The following KCNIP4 variants were observed in gnomAD, a reference collection of about 807,000 sequenced individuals.
The protein encoded by KCNIP4 is potassium voltage-gated channel interacting protein 4.
Under a neutral mutation model 34.0 loss-of-function variants are expected in KCNIP4, and 12 were observed. The ratio of observed to expected loss-of-function variants is 0.35; its 90% CI spans 0.23 to 0.57. KCNIP4 has a LOEUF of 0.57. Ranked by LOEUF, KCNIP4 falls within the 20% of genes least tolerant of loss-of-function variation. KCNIP4 has a pLI of 0.83. For synonymous variants in KCNIP4, 124 were observed against 102.2 expected, an observed-to-expected ratio of 1.21 and a Z score of -1.29; for missense variants, 238 against 311.7, an observed-to-expected ratio of 0.76 and a Z score of 1.78.
intron 1 of KCNIP4, among the ~76,000 whole-genome samples, chr4:21,649,243 C>T (rs936869941): frequency 6.6e-6 from 1 of 152,158 alleles, no homozygotes. Flanking sequence ...TTATTACCAT[C>T]ATCTTTATAC....
chr4:20,796,049 CATT>C (rs1253001904), intron 3 of KCNIP4, among the ~76,000 whole-genome samples: 5 of 152,160 alleles, frequency 3.3e-5, no homozygotes, highest in African/African-American at 1.2e-4. Flanking sequence ...CCACCTACAT[CATT>C]GAGTTCTGAA....
chr4:20,740,582 C>A (rs1055768959), intron 5 of KCNIP4, among the ~76,000 whole-genome samples: 1 of 152,156 alleles, frequency 6.6e-6, no homozygotes, highest in African/African-American at 2.4e-5. Flanking sequence ...AAGCACTAAA[C>A]ATAGAAAGGA....
intron 1 of KCNIP4, among the ~76,000 whole-genome samples, chr4:21,174,512 T>C (rs1157042923): frequency 6.6e-6 from 1 of 152,232 alleles, no homozygotes; most frequent in East Asian, 1.9e-4. Flanking sequence ...AGTTTCACTC[T>C]TTATTTCATT....
At chr4:21,202,990 A>C (rs1453662057) in intron 1 of KCNIP4, among the ~76,000 whole-genome samples, 2 of 152,166 alleles carry the variant, frequency 1.3e-5, no homozygotes, top group African/African-American at 4.8e-5. Context: ...ATCTATGCCC[A>C]CCCCAGGCCA....
chr4:21,646,672 T>TA (rs1488255207), intron 1 of KCNIP4, among the ~76,000 whole-genome samples: 1 of 152,176 alleles, frequency 6.6e-6, no homozygotes, highest in Non-Finnish European at 1.5e-5. Flanking sequence ...GGCAATACTA[T>TA]AGGTGATTTG....
At chr4:20,942,705 C>G (rs1018235551) in intron 1 of KCNIP4, among the ~76,000 whole-genome samples, 2 of 151,984 alleles carry the variant, frequency 1.3e-5, no homozygotes, top group African/African-American at 4.8e-5. Flanking sequence ...GAGTTTTGCT[C>G]TTGTTGCCCA....
chr4:20,869,993 T>C (rs760268352), intron 2 of KCNIP4, among the ~76,000 whole-genome samples: 22 of 152,074 alleles, frequency 1.4e-4, no homozygotes, highest in Non-Finnish European at 2.8e-4. Context: ...ACATGTAAAA[T>C]AGTGGCTGGC....
chr4:21,376,818 C>G (rs1721005495), intron 1 of KCNIP4, among the ~76,000 whole-genome samples: 1 of 152,134 alleles, frequency 6.6e-6, no homozygotes, highest in African/African-American at 2.4e-5. Context: ...CAATACAAAA[C>G]CATGATAAGC....
At chr4:21,225,550 T>C (rs1758317510) in intron 1 of KCNIP4, among the ~76,000 whole-genome samples, 1 of 152,186 alleles carries the variant, frequency 6.6e-6, no homozygotes, top group African/African-American at 2.4e-5. Flanking sequence ...CTGGTTTTTA[T>C]AATAAATTCT....
intron 3 of KCNIP4, 179 bp downstream of exon 3, chr4:20,850,364 G>A (rs1245259049): frequency 1.7e-6 from 1 of 600,102 alleles, no homozygotes; most frequent in Non-Finnish European, 2.9e-6. Context: ...GCCAGCATGG[G>A]TGTGCCACAG....
intron 1 of KCNIP4, among the ~76,000 whole-genome samples, chr4:21,700,191 T>C (rs1393594279): frequency 6.6e-6 from 1 of 152,216 alleles, no homozygotes; most frequent in African/African-American, 2.4e-5. Flanking sequence ...TATTATAATT[T>C]ACATTCCCAA....
intron 1 of KCNIP4, among the ~76,000 whole-genome samples, chr4:21,501,715 T>TGTGTGTGTGTGTGTGTGTGTGCGC (rs569245544): frequency 2.0e-5 from 3 of 150,732 alleles, no homozygotes; most frequent in African/African-American, 7.3e-5. Flanking sequence ...TGTGTGTGTG[T>TGTGTGTGTGTGTGTGTGTGTGCGC]GCGTTGGAAG....
chr4:21,078,564 G>A (rs748184556), intron 1 of KCNIP4, among the ~76,000 whole-genome samples: 1 of 151,872 alleles, frequency 6.6e-6, no homozygotes, highest in Non-Finnish European at 1.5e-5. Context: ...ATCTCCCAAA[G>A]GCCCACCTCC....
chr4:20,824,850 CAT>C (rs1488093839), intron 3 of KCNIP4, among the ~76,000 whole-genome samples: 1 of 151,990 alleles, frequency 6.6e-6, no homozygotes, highest in Non-Finnish European at 1.5e-5. Flanking sequence ...CTACTTAATA[CAT>C]ATCCTAGATA....
At chr4:21,167,261 G>C (rs1242862987) in intron 1 of KCNIP4, among the ~76,000 whole-genome samples, 1 of 152,078 alleles carries the variant, frequency 6.6e-6, no homozygotes, top group Non-Finnish European at 1.5e-5. Flanking sequence ...AGATATATAT[G>C]TTCACTACTT....
At chr4:20,805,912 G>T (rs534576221) in intron 3 of KCNIP4, among the ~76,000 whole-genome samples, 7 of 152,086 alleles carry the variant, frequency 4.6e-5, no homozygotes, top group African/African-American at 1.7e-4. Flanking sequence ...AAATGTACTA[G>T]GGTATGTTTA....
intron 1 of KCNIP4, among the ~76,000 whole-genome samples, chr4:20,891,741 C>A (rs980987193): frequency 1.3e-5 from 2 of 152,144 alleles, no homozygotes; most frequent in African/African-American, 4.8e-5. Context: ...CATTTTTTTA[C>A]TAGTTGCAAA....
chr4:21,415,886 A>T (rs770891769), intron 1 of KCNIP4, among the ~76,000 whole-genome samples: 6 of 152,136 alleles, frequency 3.9e-5, no homozygotes, highest in Admixed American at 1.3e-4. Flanking sequence ...AATGAAGAGG[A>T]GATGGGTGGG....
chr4:20,946,636 C>T (rs1732220122), intron 1 of KCNIP4, among the ~76,000 whole-genome samples: 1 of 152,134 alleles, frequency 6.6e-6, no homozygotes, highest in Admixed American at 6.6e-5. Flanking sequence ...TGTATTTTCT[C>T]ATTCTTCTTT....
Sources: allele counts gnomAD v4.1 joint callset (sites outside exome capture counted in the v4.1 genomes callset), GRCh38; gene constraint gnomAD v4.1.1; transcripts MANE v1.5; gene names NCBI Gene and HGNC (gene_info 2026-07-23, HGNC 2026-07-21).